Variants in CDC37L1 observed in about 807,000 individuals in gnomAD.
The protein encoded by CDC37L1 is hsp90 co-chaperone Cdc37-like 1.
Under a neutral mutation model 45.9 loss-of-function variants are expected in CDC37L1, and 32 were observed. The observed-to-expected ratio is 0.70, with a 90% CI of 0.53 to 0.94. CDC37L1 has a LOEUF of 0.94. CDC37L1 is among the 40% of genes least tolerant of loss of function. CDC37L1 has a pLI of 0.00. For missense variants in CDC37L1, 434 were observed against 405.7 expected, an observed-to-expected ratio of 1.07 and a Z score of -0.60; for synonymous variants, 150 against 133.0, an observed-to-expected ratio of 1.13 and a Z score of -0.88.
At chr9:4,702,088 T>C in intron 6 of CDC37L1, 60 bp downstream of exon 6, 2 of 868,102 alleles carry the variant, frequency 2.3e-6, no homozygotes, top group South Asian at 2.9e-5. Context: ...ATTTTTGTTA[T>C]TTTGCCCCAC....
At chr9:4,681,921 C>G (rs1841197614) in intron 1 of CDC37L1, among the ~76,000 whole-genome samples, 1 of 152,108 alleles carries the variant, frequency 6.6e-6, no homozygotes, top group African/African-American at 2.4e-5. Flanking sequence ...TCTAAAACTT[C>G]TGTATGGTCA....
rs1000744724 is a variant in CDC37L1 at position 4,703,182 on chromosome 9, A to G, written c.912+1154A>G. ...CAAAAGACAATGTGAGGAGAGTCCTATATTTAGTTTTAAACCTCATAAAGT... is the reference window on the plus strand; with the variant it reads ...CAAAAGACAATGTGAGGAGAGTCCTGTATTTAGTTTTAAACCTCATAAAGT... On this transcript the variant is annotated intron_variant, in intron 6 of 6. Coordinates refer to ENST00000381854, the MANE Select transcript of CDC37L1 (RefSeq NM_017913.4). 1.2e-4 allele frequency: 173 copies of G among 1,420,474 alleles called. 2 individuals carry two copies. Among genetic ancestry groups the G allele is most frequent in the Admixed American group, 1.1e-3 (42 of 37,612 alleles). The allele number at this position is 1,420,474 out of a possible 1,614,324, so 88.0% of individuals were successfully genotyped here.
intron 1 of CDC37L1, among the ~76,000 whole-genome samples, chr9:4,683,974 C>T (rs2079261659): frequency 6.6e-6 from 1 of 152,156 alleles, no homozygotes; most frequent in Non-Finnish European, 1.5e-5. Context: ...CAGGGTAGAC[C>T]ATTGTCACTT....
At chr9:4,688,731 C>A in intron 3 of CDC37L1, 125 bp downstream of exon 3, 2 of 599,388 alleles carry the variant, frequency 3.3e-6, no homozygotes, top group Non-Finnish European at 5.7e-6. Flanking sequence ...TAGCTTCTGG[C>A]ACAGCTGTAT....
At chr9:4,694,975 T>C (rs74726546) in intron 3 of CDC37L1, among the ~76,000 whole-genome samples, 5 of 152,158 alleles carry the variant, frequency 3.3e-5, no homozygotes, top group African/African-American at 1.2e-4. Context: ...CCAGAATGGA[T>C]AAGGCTTTTG....
At chr9:4,695,469 G>A (rs886495944) in intron 3 of CDC37L1, among the ~76,000 whole-genome samples, 1 of 152,156 alleles carries the variant, frequency 6.6e-6, no homozygotes, top group Non-Finnish European at 1.5e-5. Context: ...AATACTCTAT[G>A]AGAAAATGCT....
At chr9:4,687,446 A>G (rs1359903322) in intron 2 of CDC37L1, among the ~76,000 whole-genome samples, 4 of 152,180 alleles carry the variant, frequency 2.6e-5, no homozygotes, top group East Asian at 3.8e-4. Flanking sequence ...TGGAAGGCCA[A>G]GGTGAAGGGA....
intron 3 of CDC37L1, among the ~76,000 whole-genome samples, chr9:4,691,878 A>C (rs1587618907): frequency 6.6e-6 from 1 of 152,236 alleles, no homozygotes; most frequent in Non-Finnish European, 1.5e-5. Flanking sequence ...ATTTAAAAAC[A>C]AAGGCTTTTA....
chr9:4,688,748 T>G, intron 3 of CDC37L1, 142 bp downstream of exon 3: 1 of 516,844 alleles, frequency 1.9e-6, no homozygotes, highest in East Asian at 3.8e-5. Flanking sequence ...GTATAGATCT[T>G]GTTTTAGAAT....
chr9:4,698,223 A>G (rs962982064), intron 5 of CDC37L1, among the ~76,000 whole-genome samples: 1 of 152,070 alleles, frequency 6.6e-6, no homozygotes, highest in African/African-American at 2.4e-5. Flanking sequence ...TGAGCAAAAT[A>G]GATACAGGAT....
intron 6 of CDC37L1, chr9:4,703,244 T>A: frequency 1.5e-6 from 1 of 662,266 alleles, no homozygotes; most frequent in Non-Finnish European, 2.2e-6. Context: ...TGACCTTATC[T>A]CACTGTAATT....
chr9:4,683,465 G>C (rs1457094392), intron 1 of CDC37L1, among the ~76,000 whole-genome samples: 2 of 152,104 alleles, frequency 1.3e-5, no homozygotes, highest in Non-Finnish European at 2.9e-5. Flanking sequence ...AGGAGTTTCT[G>C]TAGGAGTTAC....
intron 2 of CDC37L1, among the ~76,000 whole-genome samples, chr9:4,687,166 C>A (rs1170779050): frequency 6.6e-6 from 1 of 151,834 alleles, no homozygotes; most frequent in South Asian, 2.1e-4. Flanking sequence ...TGGCAGTGAT[C>A]TAGTTTGCAA....
At chr9:4,682,388 G>A (rs913406190) in intron 1 of CDC37L1, among the ~76,000 whole-genome samples, 4 of 147,184 alleles carry the variant, frequency 2.7e-5, no homozygotes, top group African/African-American at 1.0e-4. Flanking sequence ...GTGCAGTGGT[G>A]CAATCTCGGC....
intron 2 of CDC37L1, among the ~76,000 whole-genome samples, chr9:4,686,291 A>C (rs939590837): frequency 6.6e-6 from 1 of 152,216 alleles, no homozygotes; most frequent in Admixed American, 6.5e-5. Flanking sequence ...ATAAGTGTAC[A>C]TCGCCACTAG....
chr9:4,706,037 C>A lies in CDC37L1; in HGVS notation c.939C>A (p.Ile313=). 6.3e-7 allele frequency: 1 copy of A among 1,589,046 alleles called. No individual in the cohort carries two copies. The highest frequency in any genetic ancestry group is 8.6e-7 in the Non-Finnish European group (1 of 1,158,172). ...PQNPDYLQYS[I]STALCSLNSV... is the part of the protein sequence containing the mutation. Reference sequence around the variant, plus strand: ...ATCCAGATTATCTTCAGTATTCTATCAGTACAGCTCTCTGCAGCTTAAACT... The same window carrying A: ...ATCCAGATTATCTTCAGTATTCTATAAGTACAGCTCTCTGCAGCTTAAACT... Residue 313 remains isoleucine (I), a synonymous_variant, in exon 7 of 7, where the codon ATC becomes ATA. Transcript: ENST00000381854.
intron 6 of CDC37L1, 141 bp downstream of exon 6, chr9:4,702,169 T>G (rs76246934): frequency 6.6e-6 from 3 of 456,348 alleles, no homozygotes; most frequent in Non-Finnish European, 1.1e-5. Context: ...TGAATCTTAC[T>G]TCATGCCATG....
chr9:4,693,482 T>C (rs569788762), intron 3 of CDC37L1, among the ~76,000 whole-genome samples: 1 of 152,016 alleles, frequency 6.6e-6, no homozygotes, highest in African/African-American at 2.4e-5. Context: ...TAATAATAAT[T>C]CTATAAGTGT....
chr9:4,696,592 A>G (rs568619419), intron 3 of CDC37L1, among the ~76,000 whole-genome samples: 1 of 152,310 alleles, frequency 6.6e-6, no homozygotes, highest in Non-Finnish European at 1.5e-5. Context: ...TCTTGGTGGT[A>G]TTGACTTTGA....
Sources: gnomAD v4.1 joint callset for allele counts (sites outside exome capture counted in the v4.1 genomes callset) on GRCh38, gnomAD v4.1.1 for gene constraint, MANE v1.5 for transcripts, NCBI Gene and HGNC (gene_info 2026-07-23, HGNC 2026-07-21) for gene names.